CFAP263: variants seen among roughly 807,000 people sequenced by gnomAD.
CFAP263 encodes cilia- and flagella-associated protein 263.
the CFAP263 span, among the ~76,000 whole-genome samples, chr16:58,266,401 ATATATTTTTTT>A: frequency 0.017 from 720 of 41,156 alleles, no homozygotes; most frequent in African/African-American, 0.03. Flanking sequence ...ATATATATAT[ATATATTTTTTT>A]TTTTTTTTTT....
At chr16:58,266,405 A>ATATACATATATT in the CFAP263 span, among the ~76,000 whole-genome samples, 1 of 31,442 alleles carries the variant, frequency 3.2e-5, no homozygotes, top group African/African-American at 1.2e-4. Context: ...ATATATATAT[A>ATATACATATATT]TTTTTTTTTT....
the CFAP263 span, among the ~76,000 whole-genome samples, chr16:58,277,949 A>G: frequency 6.6e-6 from 1 of 152,126 alleles, no homozygotes; most frequent in Non-Finnish European, 1.5e-5. Flanking sequence ...TGATTGTATA[A>G]TGGGTACAGA....
the CFAP263 span, among the ~76,000 whole-genome samples, chr16:58,250,764 C>CAAA: frequency 9.0e-3 from 921 of 101,816 alleles, 17 homozygotes; most frequent in African/African-American, 0.035. Context: ...GACTAAGTCT[C>CAAA]AAAAAAAAAA....
At chr16:58,268,022 GAGAGAAGAAAGAGAGAGAGGA>G in the CFAP263 span, among the ~76,000 whole-genome samples, 2 of 140,986 alleles carry the variant, frequency 1.4e-5, no homozygotes, top group Non-Finnish European at 3.0e-5. Context: ...GAGAAAGAGA[GAGAGAAGAAAGAGAGAGAGGA>G]AGAGAGAGAG....
chr16:58,254,788 A>G, the CFAP263 span, among the ~76,000 whole-genome samples: 3 of 151,844 alleles, frequency 2.0e-5, no homozygotes, highest in Admixed American at 6.6e-5. Flanking sequence ...TTGTATTTTT[A>G]GTAGACACGA....
At chr16:58,253,634 C>A in the CFAP263 span, among the ~76,000 whole-genome samples, 1 of 152,230 alleles carries the variant, frequency 6.6e-6, no homozygotes, top group Non-Finnish European at 1.5e-5. Flanking sequence ...CAGTCCCCCA[C>A]GGATGCAGTT....
the CFAP263 span, chr16:58,252,621 G>A: frequency 1.1e-6 from 1 of 904,590 alleles, no homozygotes; most frequent in Non-Finnish European, 1.7e-6. Flanking sequence ...GGAAACTAAG[G>A]CACCAAGGGG....
chr16:58,258,325 G>A, the CFAP263 span: 4 of 1,594,034 alleles, frequency 2.5e-6, no homozygotes, highest in Non-Finnish European at 3.4e-6. Flanking sequence ...CATCCTTGAA[G>A]ATTGCTGGAA....
the CFAP263 span, among the ~76,000 whole-genome samples, chr16:58,276,847 C>T: frequency 6.6e-6 from 1 of 152,136 alleles, no homozygotes; most frequent in African/African-American, 2.4e-5. Flanking sequence ...TGTGTTGATA[C>T]ACAAAGATCT....
the CFAP263 span, among the ~76,000 whole-genome samples, chr16:58,260,715 G>A: frequency 6.6e-6 from 1 of 152,142 alleles, no homozygotes; most frequent in South Asian, 2.1e-4. Context: ...GGCACTGGTA[G>A]CATGCTCATC....
At chr16:58,264,649 A>G in the CFAP263 span, among the ~76,000 whole-genome samples, 1 of 152,198 alleles carries the variant, frequency 6.6e-6, no homozygotes, top group Non-Finnish European at 1.5e-5. Context: ...CCCAGCATCA[A>G]GGACAGTGCC....
At chr16:58,252,881 T>C in the CFAP263 span, 1 of 1,610,738 alleles carries the variant, frequency 6.2e-7, no homozygotes, top group Non-Finnish European at 8.5e-7. Context: ...AGATCATTCT[T>C]TTATTGTTTG....
the CFAP263 span, chr16:58,283,054 C>T: frequency 0.1 from 15,804 of 152,304 alleles, 916 homozygotes; most frequent in Admixed American, 0.13. Flanking sequence ...CCCAAGGGAG[C>T]GGCCACAGCC....
chr16:58,254,827 G>A, the CFAP263 span, among the ~76,000 whole-genome samples: 1 of 151,938 alleles, frequency 6.6e-6, no homozygotes, highest in Non-Finnish European at 1.5e-5. Flanking sequence ...CAATGGTCTC[G>A]ATCTCCTGAC....
At chr16:58,283,513 C>T in the CFAP263 span, 1 of 152,072 alleles carries the variant, frequency 6.6e-6, no homozygotes, top group Non-Finnish European at 1.5e-5. Flanking sequence ...CAGTTGATGT[C>T]AGAGTTTAAC....
At chr16:58,273,914 C>T in the CFAP263 span, among the ~76,000 whole-genome samples, 3 of 152,196 alleles carry the variant, frequency 2.0e-5, no homozygotes, top group Admixed American at 1.3e-4. Context: ...TCTAATGTTT[C>T]TCCTCACATG....
At chr16:58,279,018 C>G in the CFAP263 span, among the ~76,000 whole-genome samples, 1 of 151,968 alleles carries the variant, frequency 6.6e-6, no homozygotes, top group African/African-American at 2.4e-5. Flanking sequence ...TTTTTAATAT[C>G]ACTCAGGACC....
the CFAP263 span, among the ~76,000 whole-genome samples, chr16:58,278,084 G>GTT: frequency 6.6e-6 from 1 of 152,060 alleles, no homozygotes; most frequent in African/African-American, 2.4e-5. Flanking sequence ...TAAATTTTAT[G>GTT]TTATATATAT....
the CFAP263 span, among the ~76,000 whole-genome samples, chr16:58,266,602 A>G: frequency 6.6e-6 from 1 of 151,686 alleles, no homozygotes; most frequent in East Asian, 1.9e-4. Flanking sequence ...TGCTTGGTGC[A>G]GGGACTGGTG....
Sources: allele counts gnomAD v4.1 joint callset (sites outside exome capture counted in the v4.1 genomes callset), GRCh38; gene constraint gnomAD v4.1.1; transcripts MANE v1.5; gene names NCBI Gene and HGNC (gene_info 2026-07-23, HGNC 2026-07-21).